Variants in SYTL2 observed in about 807,000 individuals in gnomAD.
The protein encoded by SYTL2 is synaptotagmin-like protein 2.
A neutral mutation model predicts 198.7 loss-of-function variants in SYTL2; 165 were observed. That is an observed-to-expected ratio of 0.83 (90% CI 0.73 to 0.94). The LOEUF is 0.94. Ranked by LOEUF, SYTL2 falls within the 40% of genes least tolerant of loss-of-function variation. The pLI is 0.00. For missense variants in SYTL2, 2,835 were observed against 2,582.8 expected (o/e 1.10, Z -2.12); for synonymous variants, 966 against 917.7 (o/e 1.05, Z -0.95).
At chr11:85,790,104 A>AT (rs1217935338) in intron 1 of SYTL2, among the ~76,000 whole-genome samples, 1 of 152,064 alleles carries the variant, frequency 6.6e-6, no homozygotes, top group Non-Finnish European at 1.5e-5. Flanking sequence ...CCTGAAGGTA[A>AT]TTTTTTATAA....
At chr11:85,811,527 G>A (rs1357875493), upstream of SYTL2, among the ~76,000 whole-genome samples, 2 of 152,150 alleles carry the variant, frequency 1.3e-5, no homozygotes, top group East Asian at 3.9e-4. Flanking sequence ...AGAAGGGACA[G>A]CCACCGCGCA....
At chr11:85,774,539 A>T (rs943311009) in intron 1 of SYTL2, among the ~76,000 whole-genome samples, 1 of 152,140 alleles carries the variant, frequency 6.6e-6, no homozygotes, top group Non-Finnish European at 1.5e-5. Flanking sequence ...ACCCCTACAC[A>T]CCCCAAATAC....
At chr11:85,822,044 G>T in the SYTL2 span, among the ~76,000 whole-genome samples, 1 of 152,186 alleles carries the variant, frequency 6.6e-6, no homozygotes, top group Non-Finnish European at 1.5e-5. Context: ...ATTTCAAAGA[G>T]ATCTAATAGT....
intron 1 of SYTL2, among the ~76,000 whole-genome samples, chr11:85,807,365 GATA>G (rs2092971811): frequency 6.6e-6 from 1 of 152,188 alleles, no homozygotes; most frequent in Non-Finnish European, 1.5e-5. Flanking sequence ...TATAAAGACT[GATA>G]ATGTTTTATT....
chr11:85,712,965 C>T (rs142824491), intron 12 of SYTL2, among the ~76,000 whole-genome samples: 1 of 152,154 alleles, frequency 6.6e-6, no homozygotes, highest in African/African-American at 2.4e-5. Context: ...GGGATCTGCC[C>T]GTCTCAGTTT....
At chr11:85,842,504 CTTGT>C in the SYTL2 span, among the ~76,000 whole-genome samples, 1 of 152,226 alleles carries the variant, frequency 6.6e-6, no homozygotes. Flanking sequence ...CTCCCAATAA[CTTGT>C]TTGTTAGCGT....
chr11:85,835,791 G>GA, the SYTL2 span, among the ~76,000 whole-genome samples: 1 of 152,136 alleles, frequency 6.6e-6, no homozygotes, highest in African/African-American at 2.4e-5. Context: ...TTTCTCTTGA[G>GA]AAAAAGCCTC....
At chr11:85,746,598 T>C (rs2091170611) in intron 3 of SYTL2, among the ~76,000 whole-genome samples, 1 of 152,140 alleles carries the variant, frequency 6.6e-6, no homozygotes, top group African/African-American at 2.4e-5. Flanking sequence ...TCATCAATAT[T>C]AGGATGAAGC....
At position 85,719,141 on chromosome 11, in the gene SYTL2, G is replaced by T. The variant is rs1367545357; in HGVS notation, c.5429-298C>A. 4 of 1,419,204 alleles carry T rather than the reference G, an allele frequency of 2.8e-6. No individual in the cohort carries two copies. In the African/African-American group the frequency reaches 5.7e-5, roughly 20 times the overall value. The allele number at this position is 1,419,204 out of a possible 1,614,324, so 87.9% of individuals were successfully genotyped here. A position where few individuals can be genotyped will look rare whatever the true frequency, so the allele number is the denominator to read the frequency against. On this transcript the variant is annotated intron_variant, in intron 9 of 19. Transcript: ENST00000359152. Reference sequence around the variant, plus strand: ...CGGCCAGCAGCAGGAGAAAGCACGGGGCTGCAACAGCCTCTCTATTCTTCT... The same window carrying T: ...CGGCCAGCAGCAGGAGAAAGCACGGTGCTGCAACAGCCTCTCTATTCTTCT...
chr11:85,761,831 G>A (rs898975134), intron 1 of SYTL2, among the ~76,000 whole-genome samples: 1 of 152,144 alleles, frequency 6.6e-6, no homozygotes, highest in Non-Finnish European at 1.5e-5. Context: ...GCTAATTTTT[G>A]TATTTTTGGT....
intron 1 of SYTL2, among the ~76,000 whole-genome samples, chr11:85,805,062 T>C (rs1592088717): frequency 1.3e-5 from 2 of 152,300 alleles, no homozygotes; most frequent in Non-Finnish European, 2.9e-5. Flanking sequence ...AATCTGATCA[T>C]TCTCATTTTA....
intron 14 of SYTL2, among the ~76,000 whole-genome samples, chr11:85,708,974 G>A (rs1326624645): frequency 6.6e-6 from 1 of 150,832 alleles, no homozygotes; most frequent in Non-Finnish European, 1.5e-5. Flanking sequence ...GAGTAGCTGG[G>A]ACTACAGGCG....
chr11:85,762,770 C>T (rs959387341), intron 1 of SYTL2, among the ~76,000 whole-genome samples: 17 of 152,162 alleles, frequency 1.1e-4, no homozygotes, highest in African/African-American at 3.9e-4. Flanking sequence ...CTTAGGTGCC[C>T]CTCCTATGTG....
chr11:85,833,158 A>AAGGAAG, the SYTL2 span, among the ~76,000 whole-genome samples: 76 of 82,766 alleles, frequency 9.2e-4, 6 homozygotes, highest in East Asian at 2.5e-3. Context: ...AAGGAAGGAA[A>AAGGAAG]GAAAGAAAGA....
intron 4 of SYTL2, among the ~76,000 whole-genome samples, chr11:85,738,664 A>C (rs2090544837): frequency 6.6e-6 from 1 of 152,212 alleles, no homozygotes; most frequent in African/African-American, 2.4e-5. Context: ...ATTTCTCTTG[A>C]ATGTCATTTT....
intron 1 of SYTL2, among the ~76,000 whole-genome samples, chr11:85,758,943 C>G (rs1476906749): frequency 2.0e-5 from 3 of 152,160 alleles, no homozygotes; most frequent in Non-Finnish European, 2.9e-5. Context: ...CACTAAAAAC[C>G]TTTAGTAAAT....
At chr11:85,817,902 C>CT in the SYTL2 span, among the ~76,000 whole-genome samples, 19,146 of 109,770 alleles carry the variant, frequency 0.17, 1,855 homozygotes, top group East Asian at 0.3. Context: ...TGTGTCTTTT[C>CT]TTTTTTTTTT....
chr11:85,721,823 T>C (rs2088356505), intron 8 of SYTL2, among the ~76,000 whole-genome samples: 1 of 152,196 alleles, frequency 6.6e-6, no homozygotes, highest in Non-Finnish European at 1.5e-5. Context: ...ATGTTCTCTG[T>C]TCAAATTTAA....
intron 1 of SYTL2, among the ~76,000 whole-genome samples, chr11:85,778,485 G>A (rs1185240307): frequency 6.6e-6 from 1 of 152,232 alleles, no homozygotes; most frequent in Non-Finnish European, 1.5e-5. Flanking sequence ...CCAAAGAGAA[G>A]CAGAGCTCCC....
Sources: gnomAD v4.1 joint callset for allele counts (sites outside exome capture counted in the v4.1 genomes callset) on GRCh38, gnomAD v4.1.1 for gene constraint, MANE v1.5 for transcripts, NCBI Gene and HGNC (gene_info 2026-07-23, HGNC 2026-07-21) for gene names.